Variants in PLCB1 observed in about 807,000 individuals in gnomAD.
The protein encoded by PLCB1 is 1-phosphatidylinositol 4,5-bisphosphate phosphodiesterase beta-1.
In PLCB1, 46 loss-of-function variants were observed where a neutral mutation model predicts 161.8. The observed-to-expected ratio is 0.28, with a 90% confidence interval of 0.22 to 0.36. The LOEUF (loss-of-function observed/expected upper bound fraction) is 0.36. Among genes scored for constraint, PLCB1 ranks in the 10% least tolerant of loss-of-function variants. PLCB1 has a pLI of 1.00. For missense variants in PLCB1, 1,016 were observed against 1,472.5 expected (o/e 0.69, Z 5.07); for synonymous variants, 517 against 503.7 (o/e 1.03, Z -0.35).
chr20:8,295,701 T>A (rs1029515674), intron 2 of PLCB1, among the ~76,000 whole-genome samples: 1 of 152,036 alleles, frequency 6.6e-6, no homozygotes, highest in African/African-American at 2.4e-5. Context: ...TCTCTCTATA[T>A]ATATATCCTC....
At chr20:8,880,374 T>C (rs1185931154) in intron 31 of PLCB1, among the ~76,000 whole-genome samples, 4 of 152,100 alleles carry the variant, frequency 2.6e-5, no homozygotes, top group Non-Finnish European at 5.9e-5. Context: ...GACTAAGACA[T>C]CCACGTAAGT....
intron 2 of PLCB1, among the ~76,000 whole-genome samples, chr20:8,278,307 T>A (rs1053248302): frequency 7.0e-6 from 1 of 143,228 alleles, no homozygotes; most frequent in Non-Finnish European, 1.5e-5. Context: ...TATAAAAATA[T>A]ATATTATATT....
chr20:8,607,001 C>T (rs1489562550), intron 3 of PLCB1, among the ~76,000 whole-genome samples: 4 of 152,082 alleles, frequency 2.6e-5, no homozygotes, highest in Non-Finnish European at 5.9e-5. Context: ...GAGATGGTTC[C>T]CAATTCTAAA....
intron 2 of PLCB1, among the ~76,000 whole-genome samples, chr20:8,217,924 G>A (rs959794927): frequency 6.6e-6 from 1 of 152,002 alleles, no homozygotes; most frequent in African/African-American, 2.4e-5. Context: ...GCATCAAGCA[G>A]CCCCTTGCCA....
chr20:8,156,853 T>C (rs1467908060), intron 2 of PLCB1, among the ~76,000 whole-genome samples: 1 of 152,258 alleles, frequency 6.6e-6, no homozygotes, highest in Non-Finnish European at 1.5e-5. Flanking sequence ...CCATCCTTTG[T>C]GGTGGCTTTT....
chr20:8,445,302 G>A (rs982920546), intron 3 of PLCB1, among the ~76,000 whole-genome samples: 2 of 152,150 alleles, frequency 1.3e-5, no homozygotes, highest in Non-Finnish European at 1.5e-5. Context: ...ATTAAATAGG[G>A]AATCTTTTCC....
chr20:8,435,594 A>G (rs899437293), intron 3 of PLCB1, among the ~76,000 whole-genome samples: 1 of 152,192 alleles, frequency 6.6e-6, no homozygotes, highest in Non-Finnish European at 1.5e-5. Context: ...AGCCTCTGGT[A>G]TCCAAGGCCC....
At chr20:8,622,629 G>A (rs1287524283) in intron 3 of PLCB1, among the ~76,000 whole-genome samples, 1 of 152,140 alleles carries the variant, frequency 6.6e-6, no homozygotes, top group East Asian at 1.9e-4. Flanking sequence ...AGTGTTTTGA[G>A]CCTCAGTTGC....
chr20:8,645,624 C>A (rs6108168), intron 4 of PLCB1, among the ~76,000 whole-genome samples: 52,442 of 152,018 alleles, frequency 0.34, 10,376 homozygotes, highest in African/African-American at 0.55. Context: ...ATTATGTGGC[C>A]TTGTGACTAC....
chr20:8,144,471 C>T (rs2051434460), intron 1 of PLCB1, among the ~76,000 whole-genome samples: 1 of 152,190 alleles, frequency 6.6e-6, no homozygotes, highest in South Asian at 2.1e-4. Flanking sequence ...CACTGTTTTG[C>T]ACCCTCTACT....
intron 3 of PLCB1, among the ~76,000 whole-genome samples, chr20:8,418,323 A>G (rs118137686): frequency 6.6e-6 from 1 of 152,164 alleles, no homozygotes; most frequent in African/African-American, 2.4e-5. Context: ...CTCCCTGATC[A>G]TGTGTCAGCT....
At chr20:8,830,979 ATC>A (rs1437986367) in intron 31 of PLCB1, among the ~76,000 whole-genome samples, 1 of 152,228 alleles carries the variant, frequency 6.6e-6, no homozygotes, top group Non-Finnish European at 1.5e-5. Flanking sequence ...TGGCCCCCGC[ATC>A]TCTCTGCCAC....
At chr20:8,623,419 C>A (rs1448213423) in intron 3 of PLCB1, among the ~76,000 whole-genome samples, 1 of 152,092 alleles carries the variant, frequency 6.6e-6, no homozygotes, top group Non-Finnish European at 1.5e-5. Flanking sequence ...CATGGCTAAG[C>A]TAATTATATT....
At chr20:8,695,933 A>C (rs894313510) in intron 10 of PLCB1, among the ~76,000 whole-genome samples, 15 of 152,214 alleles carry the variant, frequency 9.9e-5, no homozygotes, top group African/African-American at 3.4e-4. Flanking sequence ...CAAGGCCCTC[A>C]GACCTTTCAG....
intron 3 of PLCB1, among the ~76,000 whole-genome samples, chr20:8,438,676 C>G (rs1402396286): frequency 6.6e-6 from 1 of 152,134 alleles, no homozygotes; most frequent in Non-Finnish European, 1.5e-5. Flanking sequence ...AGTTCCTGGC[C>G]AAGTACCCCC....
At chr20:8,736,622 T>TA (rs2123509523) in intron 19 of PLCB1, among the ~76,000 whole-genome samples, 1 of 152,278 alleles carries the variant, frequency 6.6e-6, no homozygotes, top group Non-Finnish European at 1.5e-5. Context: ...TCATGAAACT[T>TA]ACAATTATGG....
chr20:8,603,616 G>C (rs1987665537), intron 3 of PLCB1, among the ~76,000 whole-genome samples: 1 of 152,220 alleles, frequency 6.6e-6, no homozygotes, highest in Non-Finnish European at 1.5e-5. Flanking sequence ...TAGAAATGCA[G>C]AGTCTCAGGC....
chr20:8,530,030 G>A (rs1169290902), intron 3 of PLCB1, among the ~76,000 whole-genome samples: 1 of 152,128 alleles, frequency 6.6e-6, no homozygotes, highest in Admixed American at 6.6e-5. Context: ...AACTGTCAGT[G>A]TCAAGCTTTT....
rs1194851349 is a variant in PLCB1, at chr20:8,132,936, T to C, written c.99+186T>C. On this transcript the variant is annotated intron_variant, in intron 1 of 31. Coordinates refer to ENST00000338037, the MANE Select transcript of PLCB1 (RefSeq NM_015192.4). This position sits in a 1 kb window ranked among gnomAD's most constrained non-coding sequence, Gnocchi z 5.2. The stretch of plus-strand genomic sequence containing the variant: ...AGGGCAGAAGCTTTGCGCGCGCTCC[T>C]GTTTCATCGGGCTTCAGTAGTTGCC... 6.6e-6 allele frequency among the ~76,000 whole-genome samples: 1 copy of C among 152,148 alleles called. No homozygotes were observed. The highest frequency in any genetic ancestry group is 1.5e-5 in the Non-Finnish European group (1 of 68,020).
Sources: gnomAD v4.1 joint callset for allele counts (sites outside exome capture counted in the v4.1 genomes callset) on GRCh38, gnomAD v4.1.1 for gene constraint, Gnocchi (gnomAD v3.1) non-coding constraint, MANE v1.5 for transcripts, NCBI Gene and HGNC (gene_info 2026-07-23, HGNC 2026-07-21) for gene names.